Variants in SHTN1 observed in about 807,000 individuals in gnomAD.
SHTN1 encodes the protein shootin 1, also known as shootin-1.
Under a neutral mutation model 83.1 loss-of-function variants are expected in SHTN1, and 42 were observed. The ratio of observed to expected loss-of-function variants is 0.51; its 90% CI spans 0.39 to 0.65. The LOEUF (loss-of-function observed/expected upper bound fraction) is 0.65. Ranked by LOEUF, SHTN1 falls within the 30% of genes least tolerant of loss-of-function variation. The pLI is 0.00. For synonymous variants in SHTN1, 224 were observed against 247.7 expected, an observed-to-expected ratio of 0.90 and a Z score of 0.90; for missense variants, 622 against 737.8, an observed-to-expected ratio of 0.84 and a Z score of 1.82.
chr10:117,032,097 A>C (rs1852423967), intron 2 of SHTN1, among the ~76,000 whole-genome samples: 1 of 152,210 alleles, frequency 6.6e-6, no homozygotes, highest in South Asian at 2.1e-4. Context: ...GAGCAGAAGT[A>C]GCTATACTTA....
chr10:116,979,438 G>C (rs976378900), intron 1 of SHTN1, 130 bp from the exon 2 acceptor site: 2 of 714,438 alleles, frequency 2.8e-6, no homozygotes, highest in Non-Finnish European at 4.9e-6. Flanking sequence ...CTGCAGAAAA[G>C]GGGCTTCTGC....
rs757570552 is a variant in SHTN1, at chr10:116,885,827, A to G, written c.*517T>C. 18 of 154,216 alleles carry G rather than the reference A, an allele frequency of 1.2e-4. No individual in the cohort carries two copies. The highest frequency in any genetic ancestry group is 2.4e-4 in the Non-Finnish European group (17 of 69,454). 9.6% of individuals were successfully genotyped at this position (154,216 alleles called of 1,614,324 possible). ...ATGCCAGCTCCTGAGTTTTCAGTTT[A>G]TCTCAGTCTACTGTAGAAAATAACT... On this transcript the variant is annotated 3_prime_UTR_variant, in exon 17 of 17. Coordinates refer to ENST00000355371, the MANE Select transcript of SHTN1 (RefSeq NM_001127211.3).
intron 14 of SHTN1, among the ~76,000 whole-genome samples, chr10:116,907,227 GCGT>G (rs2133337899): frequency 6.6e-6 from 1 of 152,256 alleles, no homozygotes; most frequent in African/African-American, 2.4e-5. Flanking sequence ...GATGTCCGTG[GCGT>G]CGTAGCTGTC....
intron 14 of SHTN1, among the ~76,000 whole-genome samples, chr10:116,911,248 G>A (rs2133346152): frequency 6.6e-6 from 1 of 152,246 alleles, no homozygotes; most frequent in Admixed American, 6.5e-5. Flanking sequence ...GGGACACAAA[G>A]TATGCTCTCC....
At chr10:117,105,891 G>C (rs974146927) in intron 1 of SHTN1, among the ~76,000 whole-genome samples, 1 of 152,076 alleles carries the variant, frequency 6.6e-6, no homozygotes, top group African/African-American at 2.4e-5. Flanking sequence ...TAGTGTGCCT[G>C]TTGTCCTAAC....
intron 1 of SHTN1, among the ~76,000 whole-genome samples, chr10:116,997,371 T>C (rs1163360028): frequency 1.3e-5 from 2 of 152,258 alleles, no homozygotes; most frequent in Non-Finnish European, 2.9e-5. Context: ...TGCTTGTTCA[T>C]GTCTTTTGTT....
At position 117,089,655 on chromosome 10, in the gene SHTN1, A is replaced by G. The variant is rs183413936; in HGVS notation, c.-189+36652T>C. 6.6e-5 allele frequency among the ~76,000 whole-genome samples: 10 copies of G among 152,292 alleles called. No homozygotes were observed. The East Asian group carries it at 1.7e-3, about 26-fold the overall frequency. On this transcript the variant is annotated intron_variant, in intron 1 of 17. Transcript: ENST00000392901. ...ACAGTATCAACAGAATGAGAAGAAAACATACGGAATGGGAGAAAATATTTG... is the reference window on the plus strand; with the variant it reads ...ACAGTATCAACAGAATGAGAAGAAAGCATACGGAATGGGAGAAAATATTTG...
chr10:117,005,134 A>C lies in SHTN1; in HGVS notation c.-55T>G. The C allele has an allele frequency of 3.2e-6, 5 of 1,559,962 alleles. No individual in the cohort carries two copies. The highest frequency in any genetic ancestry group is 4.3e-6 in the Non-Finnish European group (5 of 1,151,304). On this transcript the variant is annotated 5_prime_UTR_variant, in exon 1 of 17. Transcript: ENST00000355371. ...AAAGAGGGAGCGGCGCGGGGCACAC[A>C]GGAGGAGGGGGAAGAAAAAGCAAGA... is the stretch of plus-strand genomic sequence containing the variant.
At chr10:117,062,562 C>T (rs1589916285) in intron 1 of SHTN1, among the ~76,000 whole-genome samples, 1 of 152,160 alleles carries the variant, frequency 6.6e-6, no homozygotes, top group East Asian at 1.9e-4. Flanking sequence ...TATCAGGTTA[C>T]CTTCCTCAGC....
intron 16 of SHTN1, chr10:116,900,412 A>G: frequency 1.2e-6 from 1 of 818,530 alleles, no homozygotes; most frequent in Non-Finnish European, 2.0e-6. Context: ...AATTCAACAC[A>G]TATTTTGCAG....
Position 116,982,292 on chromosome 10 carries a change from C to T in SHTN1, c.59-2984G>A, listed in dbSNP as rs568195749. Among the ~76,000 whole-genome samples, 112 of 152,150 alleles carry T rather than the reference C, an allele frequency of 7.4e-4. 2 individuals are homozygous for T. The South Asian group carries it at 0.022, about 30-fold the overall frequency. On this transcript the variant is annotated intron_variant, in intron 1 of 16. Coordinates refer to ENST00000355371, the MANE Select transcript of SHTN1 (RefSeq NM_001127211.3). ...ATATTTTAATGAAAATCACAGAAAA[C>T]ATGCTTTCTTGTGACTATGTACAAC...
chr10:117,052,600 T>C (rs1392396495), intron 1 of SHTN1, among the ~76,000 whole-genome samples: 5 of 152,072 alleles, frequency 3.3e-5, no homozygotes, highest in South Asian at 2.1e-4. Context: ...TGGAATAGAA[T>C]TGAAAGGCAA....
At chr10:116,959,984 C>A in intron 4 of SHTN1, 152 bp downstream of exon 4, 1 of 558,480 alleles carries the variant, frequency 1.8e-6, no homozygotes, top group East Asian at 2.8e-5. Flanking sequence ...TAATCATATT[C>A]CAGGATTCTG....
chr10:117,010,129 T>A (rs903063018), upstream of SHTN1, among the ~76,000 whole-genome samples: 4 of 151,692 alleles, frequency 2.6e-5, no homozygotes, highest in Admixed American at 2.6e-4. Context: ...AATAATAGAA[T>A]TAATAAAAAG....
upstream of SHTN1, chr10:117,005,367 TGGCTGCCGGCGCGGCAG>T: frequency 8.4e-7 from 1 of 1,184,870 alleles, no homozygotes; most frequent in Non-Finnish European, 1.0e-6. Context: ...TGCCAGCCTG[TGGCTGCCGGCGCGGCAG>T]GACGCGCTGG....
chr10:117,088,070 T>A (rs1230339484), intron 1 of SHTN1, among the ~76,000 whole-genome samples: 1 of 152,270 alleles, frequency 6.6e-6, no homozygotes, highest in Non-Finnish European at 1.5e-5. Context: ...TTAGTTCTGC[T>A]GTATTGTTTG....
chr10:117,100,138 T>C (rs1001764890), intron 1 of SHTN1, among the ~76,000 whole-genome samples: 6 of 151,960 alleles, frequency 3.9e-5, no homozygotes, highest in East Asian at 1.9e-4. Flanking sequence ...GATAGCGCCA[T>C]TGCACTCCAG....
At chr10:116,921,263 G>C (rs1848555232) in intron 12 of SHTN1, among the ~76,000 whole-genome samples, 171 bp downstream of exon 12, 2 of 152,084 alleles carry the variant, frequency 1.3e-5, no homozygotes, top group Admixed American at 1.3e-4. Flanking sequence ...ATCTCCTCTA[G>C]ATAATAAACT....
intron 2 of SHTN1, among the ~76,000 whole-genome samples, chr10:117,034,640 T>TA (rs200237896): frequency 0.042 from 6,005 of 143,602 alleles, 212 homozygotes; most frequent in East Asian, 0.12. Flanking sequence ...GACTCCATCT[T>TA]AAAAAAAAAA....
Sources: gnomAD v4.1 joint callset for allele counts (sites outside exome capture counted in the v4.1 genomes callset) on GRCh38, gnomAD v4.1.1 for gene constraint, MANE v1.5 for transcripts, NCBI Gene and HGNC (gene_info 2026-07-23, HGNC 2026-07-21) for gene names.